Variants in ZBTB20 observed in about 807,000 individuals in gnomAD.
ZBTB20 encodes zinc finger and BTB domain-containing protein 20.
In ZBTB20, 9 loss-of-function variants were observed where a neutral mutation model predicts 56.9. That is an observed-to-expected ratio of 0.16 (90% confidence interval 0.10 to 0.28). The LOEUF (loss-of-function observed/expected upper bound fraction) is 0.28, where lower values mean the gene tolerates loss of function less well. Among genes scored for constraint, ZBTB20 ranks in the 10% least tolerant of loss-of-function variants. The pLI is 1.00. For synonymous variants in ZBTB20, 417 were observed against 420.7 expected (o/e 0.99, Z 0.11); for missense variants, 655 against 1,003.0 (o/e 0.65, Z 4.69).
chr3:114,579,217 A>T (rs1194875063), intron 6 of ZBTB20, among the ~76,000 whole-genome samples: 2 of 151,818 alleles, frequency 1.3e-5, no homozygotes, highest in African/African-American at 2.4e-5. Flanking sequence ...AGCTAAAAAA[A>T]GTTTTTCAAT....
intron 4 of ZBTB20, among the ~76,000 whole-genome samples, chr3:114,858,518 G>A (rs1034621847): frequency 2.1e-4 from 31 of 151,184 alleles, no homozygotes; most frequent in Non-Finnish European, 3.7e-4. Flanking sequence ...CTACTTGTGC[G>A]TGTATTCGTG....
At chr3:114,919,893 T>C (rs1192442939) in intron 3 of ZBTB20, among the ~76,000 whole-genome samples, 1 of 152,136 alleles carries the variant, frequency 6.6e-6, no homozygotes, top group Non-Finnish European at 1.5e-5. Context: ...TCACTTTAGC[T>C]GAAAGGATAC....
intron 3 of ZBTB20, among the ~76,000 whole-genome samples, chr3:114,905,350 A>G (rs184116108): frequency 6.6e-6 from 1 of 152,036 alleles, no homozygotes; most frequent in Non-Finnish European, 1.5e-5. Flanking sequence ...GCCTGCTTGT[A>G]TACATCCCTG....
In ZBTB20 at chr3:114,317,948, T is replaced by C. The variant is rs566874384; in HGVS notation, c.*21057A>G. On this transcript the variant is annotated 3_prime_UTR_variant, in exon 12 of 12. Transcript: ENST00000675478. ...AAATAGAGGCCTCTCTTCAGCTTTC[T>C]GTCATTGACAGTCTCAAGATTCGGC... 7 of 152,288 alleles carry C rather than the reference T, an allele frequency of 4.6e-5. No homozygotes were observed. In the East Asian group the frequency reaches 7.7e-4, roughly 17 times the overall value. The allele number at this position is 152,288 out of a possible 1,614,324, so 9.4% of individuals were successfully genotyped here.
At chr3:115,142,647 G>A (rs1358582179) in intron 1 of ZBTB20, among the ~76,000 whole-genome samples, 2 of 144,512 alleles carry the variant, frequency 1.4e-5, no homozygotes, top group African/African-American at 2.6e-5. Flanking sequence ...TGGCGACAGA[G>A]CAAGACTCCA....
At chr3:114,799,018 T>C (rs2071527942) in intron 5 of ZBTB20, among the ~76,000 whole-genome samples, 1 of 151,892 alleles carries the variant, frequency 6.6e-6, no homozygotes, top group Non-Finnish European at 1.5e-5. Flanking sequence ...AGGTGTCAAA[T>C]GGTTCTGAGT....
intron 4 of ZBTB20, among the ~76,000 whole-genome samples, chr3:114,843,687 T>TATA (rs1442400742): frequency 2.6e-5 from 4 of 151,102 alleles, no homozygotes; most frequent in Non-Finnish European, 5.9e-5. Context: ...ATATATATAT[T>TATA]TTTTTTTGAG....
chr3:114,732,510 C>T (rs762595903), intron 5 of ZBTB20, among the ~76,000 whole-genome samples: 2 of 152,140 alleles, frequency 1.3e-5, no homozygotes, highest in Non-Finnish European at 2.9e-5. Context: ...GCTTTGCTCT[C>T]ATCTCCACAC....
At chr3:114,790,189 A>C (rs2108803668) in intron 5 of ZBTB20, among the ~76,000 whole-genome samples, 1 of 152,326 alleles carries the variant, frequency 6.6e-6, no homozygotes, top group South Asian at 2.1e-4. Context: ...CAGTCTGCTT[A>C]TCTGAGAATT....
chr3:115,062,336 T>C (rs2082041254), intron 2 of ZBTB20, among the ~76,000 whole-genome samples: 1 of 152,222 alleles, frequency 6.6e-6, no homozygotes, highest in Non-Finnish European at 1.5e-5. Context: ...TAAGCTACAA[T>C]CAATTATAAA....
intron 1 of ZBTB20, among the ~76,000 whole-genome samples, chr3:115,108,067 T>C (rs1473283730): frequency 6.6e-6 from 1 of 151,666 alleles, no homozygotes; most frequent in Non-Finnish European, 1.5e-5. Context: ...GACGGGTTGA[T>C]AGATGCAGCA....
chr3:115,077,652 T>C (rs192763499), intron 1 of ZBTB20, among the ~76,000 whole-genome samples: 198 of 152,332 alleles, frequency 1.3e-3, no homozygotes, highest in Non-Finnish European at 2.3e-3. Context: ...ACATCACTTA[T>C]CATCATCAGA....
chr3:114,319,561 A>G lies in ZBTB20; in HGVS notation c.*19444T>C, dbSNP rs1317692824. 1 of 152,212 alleles carries G rather than the reference A, an allele frequency of 6.6e-6. No homozygotes were observed. Among genetic ancestry groups the G allele is most frequent in the Non-Finnish European group, 1.5e-5 (1 of 68,032 alleles). 9.4% of individuals were successfully genotyped at this position (152,212 alleles called of 1,614,324 possible). A position where few individuals can be genotyped will look rare whatever the true frequency, so the allele number is the denominator to read the frequency against. ...CCCTTTACTGTGCATTTGTATGGGT[A>G]AACGGGCCAGTTTGGTATTGGGGAA... On this transcript the variant is annotated 3_prime_UTR_variant, in exon 12 of 12. Coordinates refer to ENST00000675478, the MANE Select transcript of ZBTB20 (RefSeq NM_001348800.3).
intron 7 of ZBTB20, among the ~76,000 whole-genome samples, chr3:114,425,619 G>T (rs143749169): frequency 3.3e-5 from 5 of 151,996 alleles, no homozygotes; most frequent in Non-Finnish European, 5.9e-5. Context: ...GTCCCTCAAA[G>T]AACTATCTTA....
chr3:115,128,541 G>A (rs2084401786), intron 1 of ZBTB20, among the ~76,000 whole-genome samples: 1 of 151,894 alleles, frequency 6.6e-6, no homozygotes, highest in South Asian at 2.1e-4. Flanking sequence ...GCACATGCCT[G>A]TAATCCTAGC....
intron 4 of ZBTB20, among the ~76,000 whole-genome samples, chr3:114,834,949 C>T (rs1344993855): frequency 6.6e-6 from 1 of 152,096 alleles, no homozygotes; most frequent in Non-Finnish European, 1.5e-5. Context: ...TTTTCTCATT[C>T]CATTCTTAAA....
chr3:114,619,915 C>T (rs1443488868), intron 6 of ZBTB20, among the ~76,000 whole-genome samples: 1 of 152,166 alleles, frequency 6.6e-6, no homozygotes, highest in African/African-American at 2.4e-5. Flanking sequence ...AGTCTTCATG[C>T]CTTTCCATAA....
intron 5 of ZBTB20, among the ~76,000 whole-genome samples, chr3:114,750,164 G>C (rs1424098928): frequency 6.6e-6 from 1 of 152,166 alleles, no homozygotes; most frequent in Non-Finnish European, 1.5e-5. Context: ...GGATCATAAA[G>C]ACCTTCTATC....
chr3:114,566,038 C>T (rs534224348), intron 6 of ZBTB20, among the ~76,000 whole-genome samples: 2 of 151,144 alleles, frequency 1.3e-5, no homozygotes, highest in South Asian at 2.1e-4. Flanking sequence ...AACCAATCCC[C>T]CTACCGACCC....
Sources: gnomAD v4.1 joint callset for allele counts (sites outside exome capture counted in the v4.1 genomes callset) on GRCh38, gnomAD v4.1.1 for gene constraint, MANE v1.5 for transcripts, NCBI Gene and HGNC (gene_info 2026-07-23, HGNC 2026-07-21) for gene names.